Variants in TRIO observed in about 807,000 individuals in gnomAD.
TRIO encodes trio Rho guanine nucleotide exchange factor, also known as triple functional domain protein.
In TRIO, 58 loss-of-function variants were observed where a neutral mutation model predicts 351.9. The ratio of observed to expected loss-of-function variants is 0.16; its 90% CI spans 0.13 to 0.21. The LOEUF (loss-of-function observed/expected upper bound fraction) is 0.21, where lower values mean the gene tolerates loss of function less well. TRIO is among the 10% of genes least tolerant of loss of function. TRIO has a pLI of 1.00. For missense variants in TRIO, 3,201 were observed against 4,027.8 expected, an observed-to-expected ratio of 0.79 and a Z score of 5.56; for synonymous variants, 1,758 against 1,595.7, an observed-to-expected ratio of 1.10 and a Z score of -2.42.
At chr5:14,491,061 G>A (rs1579816313) in intron 48 of TRIO, among the ~76,000 whole-genome samples, 2 of 149,622 alleles carry the variant, frequency 1.3e-5, no homozygotes, top group African/African-American at 5.0e-5. Context: ...CAAAGAACAG[G>A]AGCTGGGCAG....
intron 6 of TRIO, among the ~76,000 whole-genome samples, chr5:14,296,380 T>C (rs956656830): frequency 1.3e-5 from 2 of 152,228 alleles, no homozygotes; most frequent in African/African-American, 4.8e-5. Context: ...GGAAACTCCA[T>C]ATGAGAGCTT....
At chr5:14,376,970 G>A (rs557676341) in intron 19 of TRIO, among the ~76,000 whole-genome samples, 61 of 152,272 alleles carry the variant, frequency 4.0e-4, no homozygotes, top group African/African-American at 1.4e-3. Flanking sequence ...TTTAGTGACT[G>A]TATTTTTTAA....
chr5:14,424,293 G>A (rs1478976101), intron 34 of TRIO, among the ~76,000 whole-genome samples: 1 of 152,148 alleles, frequency 6.6e-6, no homozygotes, highest in Non-Finnish European at 1.5e-5. Context: ...GTGATGACAG[G>A]TGGCCTTTTT....
intron 49 of TRIO, among the ~76,000 whole-genome samples, 155 bp from the exon 50 acceptor site, chr5:14,496,724 G>C (rs1036623981): frequency 1.3e-5 from 2 of 152,204 alleles, no homozygotes; most frequent in African/African-American, 4.8e-5. Context: ...TAAAAAAAAG[G>C]AACATTTTCT....
intron 37 of TRIO, among the ~76,000 whole-genome samples, chr5:14,470,264 C>G (rs1018221651): frequency 6.6e-6 from 1 of 152,046 alleles, no homozygotes; most frequent in African/African-American, 2.4e-5. Flanking sequence ...AAATCAGATT[C>G]AGTCTGTTAC....
intron 1 of TRIO, among the ~76,000 whole-genome samples, chr5:14,183,164 T>G (rs570243956): frequency 6.6e-6 from 1 of 152,224 alleles, no homozygotes; most frequent in East Asian, 1.9e-4. Flanking sequence ...CACAGCTAGG[T>G]TTGTTCCCGG....
At chr5:14,181,890 C>T (rs1042848276) in intron 1 of TRIO, among the ~76,000 whole-genome samples, 6 of 152,136 alleles carry the variant, frequency 3.9e-5, no homozygotes, top group South Asian at 2.1e-4. Flanking sequence ...TTCTACACTC[C>T]GGGCTGATGT....
intron 1 of TRIO, among the ~76,000 whole-genome samples, chr5:14,268,231 C>T (rs1795797701): frequency 6.6e-6 from 1 of 152,220 alleles, no homozygotes; most frequent in Admixed American, 6.5e-5. Context: ...TTTCTGCACC[C>T]TACTTTCAAA....
At chr5:14,401,274 T>G (rs1033836481) in intron 31 of TRIO, among the ~76,000 whole-genome samples, 1 of 152,250 alleles carries the variant, frequency 6.6e-6, no homozygotes, top group Admixed American at 6.5e-5. Flanking sequence ...AAACTTTCAC[T>G]TGACTCCTGA....
At chr5:14,391,197 A>G (rs1023951851) in intron 27 of TRIO, among the ~76,000 whole-genome samples, 2 of 152,150 alleles carry the variant, frequency 1.3e-5, no homozygotes, top group African/African-American at 2.4e-5. Context: ...TGGAAGCCTT[A>G]TATCTGTAAG....
chr5:14,285,237 T>C (rs1736340786), intron 3 of TRIO, among the ~76,000 whole-genome samples: 1 of 150,590 alleles, frequency 6.6e-6, no homozygotes, highest in African/African-American at 2.5e-5. Flanking sequence ...GAGATAGTTA[T>C]TAGAAGTTCA....
chr5:14,255,807 A>G (rs1794992193), intron 1 of TRIO, among the ~76,000 whole-genome samples: 1 of 152,142 alleles, frequency 6.6e-6, no homozygotes, highest in Non-Finnish European at 1.5e-5. Context: ...GGAATTTTCC[A>G]CTTGTGGTAG....
chr5:14,303,669 T>A (rs947386371), intron 7 of TRIO, among the ~76,000 whole-genome samples: 4 of 150,500 alleles, frequency 2.7e-5, no homozygotes, highest in Middle Eastern at 3.5e-3. Flanking sequence ...AGGATTGGGA[T>A]GGCTGCTGCA....
intron 1 of TRIO, among the ~76,000 whole-genome samples, chr5:14,150,820 T>C (rs957635063): frequency 1.3e-5 from 2 of 152,204 alleles, no homozygotes; most frequent in African/African-American, 4.8e-5. Context: ...GGACCTAGCT[T>C]CTTATAATTG....
intron 1 of TRIO, among the ~76,000 whole-genome samples, chr5:14,164,238 A>G (rs924683691): frequency 1.3e-5 from 2 of 152,246 alleles, no homozygotes; most frequent in Admixed American, 6.5e-5. Flanking sequence ...ATCAGAAAGC[A>G]TCTGAAAAAC....
chr5:14,177,299 T>G (rs989270483), intron 1 of TRIO, among the ~76,000 whole-genome samples: 4 of 152,212 alleles, frequency 2.6e-5, no homozygotes, highest in Non-Finnish European at 4.4e-5. Context: ...ACTTTTAAAT[T>G]TTTTTTGGTA....
At chr5:14,267,280 A>T (rs1795740448) in intron 1 of TRIO, among the ~76,000 whole-genome samples, 1 of 152,072 alleles carries the variant, frequency 6.6e-6, no homozygotes, top group South Asian at 2.1e-4. Context: ...CCCTGGTGGC[A>T]CTGAGAAGTA....
At chr5:14,366,114 T>C (rs895554042) in intron 15 of TRIO, among the ~76,000 whole-genome samples, 1 of 152,000 alleles carries the variant, frequency 6.6e-6, no homozygotes, top group Non-Finnish European at 1.5e-5. Context: ...AAGCCCTCTC[T>C]CAAAGTTGGG....
In TRIO at chr5:14,316,690, G is replaced by T; in HGVS notation, c.1678G>T (p.Val560Phe). ...GGAGAACATCTGGCAACACCGCAAG[G>T]TCCGGCTGCATCAGAGGCTGCAGCT... Reference protein sequence around the residue: ...QLENIWQHRKVRLHQRLQLCV... With the variant: ...QLENIWQHRKFRLHQRLQLCV... The change falls in exon 9 of 57, where the codon GTC (valine) becomes TTC (phenylalanine). Residue 560 changes from valine (V) to phenylalanine (F), a missense_variant. Coordinates refer to ENST00000344204, the MANE Select transcript of TRIO (RefSeq NM_007118.4). The T allele has an allele frequency of 6.2e-7, 1 of 1,614,200 alleles. No individual in the cohort carries two copies. The highest frequency in any genetic ancestry group is 1.7e-4 in the Middle Eastern group (1 of 6,060).
Sources: gnomAD v4.1 joint callset for allele counts (sites outside exome capture counted in the v4.1 genomes callset) on GRCh38, gnomAD v4.1.1 for gene constraint, MANE v1.5 for transcripts, NCBI Gene and HGNC (gene_info 2026-07-23, HGNC 2026-07-21) for gene names.